SLC41A2: variants seen among roughly 807,000 people sequenced by gnomAD.
SLC41A2 encodes solute carrier family 41 member 2, also known as SLC41A1-like 1.
A neutral mutation model predicts 58.3 loss-of-function variants in SLC41A2; 32 were observed. That is an observed-to-expected ratio of 0.55 (90% confidence interval 0.41 to 0.74). SLC41A2 has a LOEUF of 0.74. Ranked by LOEUF, SLC41A2 falls within the 30% of genes least tolerant of loss-of-function variation. The pLI, the probability that SLC41A2 is intolerant of heterozygous loss-of-function variation, is 0.00. For missense variants in SLC41A2, 514 were observed against 680.6 expected, an observed-to-expected ratio of 0.76 and a Z score of 2.72; for synonymous variants, 190 against 235.0, an observed-to-expected ratio of 0.81 and a Z score of 1.75.
intron 10 of SLC41A2, among the ~76,000 whole-genome samples, chr12:104,827,585 A>C (rs2041891301): frequency 1.3e-5 from 2 of 152,324 alleles, no homozygotes; most frequent in Admixed American, 6.5e-5. Flanking sequence ...TTTGGCACTA[A>C]ATTCTTTCCT....
intron 8 of SLC41A2, among the ~76,000 whole-genome samples, chr12:104,853,913 T>TATTATTATTATTTA (rs1555202444): frequency 0.025 from 946 of 38,438 alleles, 40 homozygotes; most frequent in Non-Finnish European, 0.054. Context: ...CCTGGCTGAT[T>TATTATTATTATTTA]TTTTTTTTTT....
chr12:104,894,819 T>C (rs2045201703), intron 4 of SLC41A2, among the ~76,000 whole-genome samples: 1 of 152,208 alleles, frequency 6.6e-6, no homozygotes, highest in Non-Finnish European at 1.5e-5. Context: ...GTGTAATTGG[T>C]AAACTACTGT....
chr12:104,849,826 T>TTTAG (rs1358061207), intron 8 of SLC41A2, among the ~76,000 whole-genome samples: 3 of 152,166 alleles, frequency 2.0e-5, no homozygotes, highest in African/African-American at 7.2e-5. Context: ...AGACCCTATC[T>TTTAG]TTAGTAAGTA....
intron 8 of SLC41A2, among the ~76,000 whole-genome samples, chr12:104,855,093 TG>T: frequency 6.6e-6 from 1 of 152,220 alleles, no homozygotes; most frequent in Non-Finnish European, 1.5e-5. Flanking sequence ...TCTCTTCTCT[TG>T]GAAAAAGTTC....
chr12:104,853,890 G>C (rs114815968), intron 8 of SLC41A2, among the ~76,000 whole-genome samples: 2,715 of 137,220 alleles, frequency 0.02, 31 homozygotes, highest in African/African-American at 0.036. Context: ...ACTTACGGGT[G>C]CATGTCACCA....
In SLC41A2 at chr12:104,892,058, G is replaced by A. The variant is rs151178923; in HGVS notation, c.736-2881C>T. Among the ~76,000 whole-genome samples, 1,080 of 152,110 alleles carry A rather than the reference G, an allele frequency of 7.1e-3. 19 individuals are homozygous for A. The highest frequency in any genetic ancestry group is 0.023 in the African/African-American group (973 of 41,468). Reference sequence around the variant, plus strand: ...CTCACACCTGTAATCCCAGTACTTCGGGAGGCTGAGGCAGGTGGATCACCT... The same window carrying A: ...CTCACACCTGTAATCCCAGTACTTCAGGAGGCTGAGGCAGGTGGATCACCT... On this transcript the variant is annotated intron_variant, in intron 4 of 10. Coordinates refer to ENST00000258538, the MANE Select transcript of SLC41A2 (RefSeq NM_001352171.3).
intron 10 of SLC41A2, among the ~76,000 whole-genome samples, chr12:104,813,251 A>G (rs1367103256): frequency 6.6e-6 from 1 of 152,154 alleles, no homozygotes; most frequent in African/African-American, 2.4e-5. Flanking sequence ...TATGGTAATG[A>G]TCTCCAGAAG....
chr12:104,891,945 C>T (rs983125501), intron 4 of SLC41A2, among the ~76,000 whole-genome samples: 28 of 152,198 alleles, frequency 1.8e-4, no homozygotes, highest in African/African-American at 6.0e-4. Context: ...TTTACAATAG[C>T]TACAAGTAAA....
chr12:104,886,135 C>T (rs1476499650), intron 6 of SLC41A2, among the ~76,000 whole-genome samples, 158 bp downstream of exon 6: 1 of 152,022 alleles, frequency 6.6e-6, no homozygotes, highest in Admixed American at 6.6e-5. Context: ...GGAATCATAA[C>T]ACATAGTAGG....
chr12:104,867,436 C>G (rs187065314), intron 6 of SLC41A2, among the ~76,000 whole-genome samples: 9 of 152,164 alleles, frequency 5.9e-5, no homozygotes, highest in Non-Finnish European at 1.3e-4. Flanking sequence ...GTCCTATAGC[C>G]TACAGCCTTA....
chr12:104,807,931 T>G (rs562870505), intron 10 of SLC41A2, among the ~76,000 whole-genome samples: 1,927 of 152,222 alleles, frequency 0.013, 50 homozygotes, highest in African/African-American at 0.044. Flanking sequence ...CTGAGACTTT[T>G]CTGAAGTTGC....
chr12:104,862,971 A>G (rs2043265025), intron 7 of SLC41A2, among the ~76,000 whole-genome samples: 1 of 152,140 alleles, frequency 6.6e-6, no homozygotes, highest in African/African-American at 2.4e-5. Context: ...TGTACAATAA[A>G]TCTCTTGAAT....
intron 1 of SLC41A2, among the ~76,000 whole-genome samples, chr12:104,952,054 T>A (rs2047977005): frequency 6.6e-6 from 1 of 152,108 alleles, no homozygotes; most frequent in South Asian, 2.1e-4. Flanking sequence ...AAGAATGCCC[T>A]CTGTTAAATT....
chr12:104,830,212 G>T (rs2041992374), intron 10 of SLC41A2, among the ~76,000 whole-genome samples: 1 of 152,270 alleles, frequency 6.6e-6, no homozygotes, highest in South Asian at 2.1e-4. Flanking sequence ...TACTACAGTT[G>T]TCCCTCTATA....
chr12:104,827,761 G>C (rs2041897720), intron 10 of SLC41A2, among the ~76,000 whole-genome samples: 1 of 152,122 alleles, frequency 6.6e-6, no homozygotes, highest in African/African-American at 2.4e-5. Context: ...TCTGACTGCT[G>C]TTTTGCCCAA....
intron 1 of SLC41A2, among the ~76,000 whole-genome samples, chr12:104,951,158 A>G (rs2135983349): frequency 6.6e-6 from 1 of 152,312 alleles, no homozygotes; most frequent in Admixed American, 6.5e-5. Flanking sequence ...TCCCTATAGC[A>G]GGACATTATT....
chr12:104,858,256 C>T (rs1001598353), intron 8 of SLC41A2, among the ~76,000 whole-genome samples: 2 of 151,942 alleles, frequency 1.3e-5, no homozygotes, highest in Non-Finnish European at 2.9e-5. Context: ...ATGCCTTAAA[C>T]AATGTATGCA....
At chr12:104,933,453 C>T (rs2047144541) in intron 1 of SLC41A2, among the ~76,000 whole-genome samples, 1 of 152,128 alleles carries the variant, frequency 6.6e-6, no homozygotes, top group African/African-American at 2.4e-5. Context: ...TGTACAGCCT[C>T]TATGGAAAAT....
intron 2 of SLC41A2, among the ~76,000 whole-genome samples, chr12:104,911,216 T>C (rs530326257): frequency 5.8e-4 from 89 of 152,208 alleles, no homozygotes; most frequent in Non-Finnish European, 1.0e-3. Flanking sequence ...GATCGATGTC[T>C]GCCTGTAACT....
Sources: gnomAD v4.1 joint callset for allele counts (sites outside exome capture counted in the v4.1 genomes callset) on GRCh38, gnomAD v4.1.1 for gene constraint, MANE v1.5 for transcripts, NCBI Gene and HGNC (gene_info 2026-07-23, HGNC 2026-07-21) for gene names.